The following USP43 variants were observed in gnomAD, a reference collection of about 807,000 sequenced individuals.
USP43 encodes ubiquitin carboxyl-terminal hydrolase 43.
A neutral mutation model predicts 90.7 loss-of-function variants in USP43; 33 were observed. That is an observed-to-expected ratio of 0.36 (90% confidence interval 0.28 to 0.49). USP43 has a LOEUF of 0.49. Ranked by LOEUF, USP43 falls within the 20% of genes least tolerant of loss-of-function variation. USP43 has a pLI of 0.98. For synonymous variants in USP43, 598 were observed against 615.8 expected, an observed-to-expected ratio of 0.97 and a Z score of 0.43; for missense variants, 1,274 against 1,476.4, an observed-to-expected ratio of 0.86 and a Z score of 2.25.
At chr17:9,695,975 A>G (rs928203174) in intron 9 of USP43, among the ~76,000 whole-genome samples, 4 of 152,092 alleles carry the variant, frequency 2.6e-5, no homozygotes, top group African/African-American at 9.7e-5. Flanking sequence ...AGGCTGAATA[A>G]TATTCCATTG....
intron 7 of USP43, among the ~76,000 whole-genome samples, chr17:9,683,418 CA>C (rs1914418836): frequency 6.6e-6 from 1 of 150,968 alleles, no homozygotes; most frequent in South Asian, 2.1e-4. Context: ...GTTTAAAAGA[CA>C]GAATTACATT....
chr17:9,710,100 G>C lies in USP43; in HGVS notation c.2156G>C (p.Ser719Thr). Residue 719 changes from serine to threonine, a missense_variant, in exon 13 of 15, where the codon AGC (serine) becomes ACC (threonine). By Grantham distance (58) the Ser-to-Thr change is moderately conservative (BLOSUM62 1). Transcript: ENST00000285199. ...AACAGCATCCCTCCCTGGTCAGCCAGCAGCTCCATGAGAGGTAGGTGCTGC... is the reference window on the plus strand; with the variant it reads ...AACAGCATCCCTCCCTGGTCAGCCACCAGCTCCATGAGAGGTAGGTGCTGC... ...KRNSIPPWSA[S>T]SSMRGSTSSS... is the part of the protein sequence containing the mutation. The C allele has an allele frequency of 1.3e-6, 2 of 1,516,672 alleles. No homozygotes were observed. The highest frequency in any genetic ancestry group is 8.8e-7 in the Non-Finnish European group (1 of 1,132,050). The allele number at this position is 1,516,672 out of a possible 1,614,324, so 94.0% of individuals were successfully genotyped here.
At chr17:9,689,802 A>G (rs1451147269) in intron 8 of USP43, among the ~76,000 whole-genome samples, 1 of 152,150 alleles carries the variant, frequency 6.6e-6, no homozygotes, top group Non-Finnish European at 1.5e-5. Context: ...CTCTGTGCAG[A>G]TGTTGGTGCC....
At chr17:9,677,258 A>T (rs1054375725) in intron 5 of USP43, among the ~76,000 whole-genome samples, 13 of 152,168 alleles carry the variant, frequency 8.5e-5, no homozygotes, top group Non-Finnish European at 1.6e-4. Flanking sequence ...CATCTTACTA[A>T]TGGGGAATAA....
chr17:9,705,355 A>G (rs116885007), intron 12 of USP43, among the ~76,000 whole-genome samples: 3,867 of 151,014 alleles, frequency 0.026, 60 homozygotes, highest in Non-Finnish European at 0.038. Flanking sequence ...ATTTCTAGAC[A>G]GCTTCTCCAT....
chr17:9,675,074 T>C, intron 4 of USP43, 91 bp downstream of exon 4: 1 of 1,086,208 alleles, frequency 9.2e-7, no homozygotes, highest in Non-Finnish European at 1.4e-6. Context: ...CCATTTTCTC[T>C]CCTTTGCTTC....
chr17:9,661,304 A>G (rs910461333), intron 2 of USP43, among the ~76,000 whole-genome samples: 1 of 152,122 alleles, frequency 6.6e-6, no homozygotes. Context: ...AACACTGACT[A>G]TGTGCAGGGA....
chr17:9,684,703 C>T (rs1210902155), intron 7 of USP43, among the ~76,000 whole-genome samples: 9 of 133,014 alleles, frequency 6.8e-5, no homozygotes, highest in Admixed American at 5.4e-4. Flanking sequence ...GCGGAGGTTG[C>T]GGTGAGCCGA....
intron 9 of USP43, among the ~76,000 whole-genome samples, chr17:9,695,419 C>A (rs769137527): frequency 6.6e-6 from 1 of 152,038 alleles, no homozygotes; most frequent in Non-Finnish European, 1.5e-5. Context: ...CTGCAACCTC[C>A]GCCTCCTGGG....
intron 2 of USP43, 113 bp from the exon 3 acceptor site, chr17:9,666,535 G>T: frequency 1.2e-6 from 1 of 803,986 alleles, no homozygotes; most frequent in Non-Finnish European, 2.0e-6. Context: ...ACTCTACAGA[G>T]GCCCAGAAAG....
At chr17:9,653,764 T>C (rs1462170199) in intron 1 of USP43, among the ~76,000 whole-genome samples, 1 of 152,124 alleles carries the variant, frequency 6.6e-6, no homozygotes, top group Non-Finnish European at 1.5e-5. Context: ...AGGAACGATT[T>C]GGAGTCAGAG....
intron 2 of USP43, among the ~76,000 whole-genome samples, chr17:9,665,357 C>T (rs1912965602): frequency 1.3e-5 from 2 of 152,264 alleles, no homozygotes; most frequent in South Asian, 2.1e-4. Context: ...AATTGACTCA[C>T]AGTTCCACAT....
Position 9,725,587 on chromosome 17 carries a change from A to C in USP43, c.2336-2367A>C, listed in dbSNP as rs551622017. Among the ~76,000 whole-genome samples, 5 of 152,344 alleles carry C rather than the reference A, an allele frequency of 3.3e-5. No homozygotes were observed. In the South Asian group the frequency reaches 1.0e-3, roughly 32 times the overall value. On this transcript the variant is annotated intron_variant, in intron 14 of 14. Coordinates refer to ENST00000285199, the MANE Select transcript of USP43 (RefSeq NM_153210.5). ...GTCTCAGATCCTGTTATCCTAGCCC[A>C]ATAAATGGAAGGAGAATAAAGATAA...
chr17:9,717,310 C>T (rs76497777), intron 14 of USP43, among the ~76,000 whole-genome samples: 4 of 151,658 alleles, frequency 2.6e-5, no homozygotes, highest in East Asian at 3.9e-4. Flanking sequence ...GGTGTCTGCA[C>T]GTCTGCATTT....
At chr17:9,659,614 G>A (rs1912511295) in intron 2 of USP43, among the ~76,000 whole-genome samples, 1 of 152,118 alleles carries the variant, frequency 6.6e-6, no homozygotes, top group Non-Finnish European at 1.5e-5. Context: ...CTCCCTGGCT[G>A]TACCAGGCAG....
chr17:9,649,511 C>T (rs373645412), intron 1 of USP43, among the ~76,000 whole-genome samples: 2 of 151,816 alleles, frequency 1.3e-5, no homozygotes, highest in South Asian at 2.1e-4. Flanking sequence ...GGAAGGTTTT[C>T]GGCCCTTGTC....
At chr17:9,693,069 C>A in intron 8 of USP43, 58 bp from the exon 9 acceptor site, 1 of 1,321,814 alleles carries the variant, frequency 7.6e-7, no homozygotes, top group Non-Finnish European at 1.1e-6. Flanking sequence ...CCTTTAGAGT[C>A]TAATTTAAAT....
In USP43 at chr17:9,645,670, C is replaced by G. The variant is rs1160942498; in HGVS notation, c.38C>G (p.Pro13Arg). Reference protein sequence around the residue: ...LGPGDAAGGGPLAPRPRRRRS... With the variant: ...LGPGDAAGGGRLAPRPRRRRS... ...CCCGGGGACGCGGCAGGAGGGGGAC[C>G]GCTCGCGCCCCGGCCCCGCCGCCGC... is the stretch of plus-strand genomic sequence containing the variant. Residue 13 changes from proline to arginine, a missense_variant, in exon 1 of 15, where the codon CCG becomes CGG. This residue lies in a region of USP43 where 112 missense variants were observed against 106.6 expected (regional missense o/e 1.05). Transcript: ENST00000285199. This position sits in a 1 kb window ranked among gnomAD's most constrained non-coding sequence, Gnocchi z 6.8. 2 of 1,272,766 alleles carry G rather than the reference C, an allele frequency of 1.6e-6. No homozygotes were observed. Among genetic ancestry groups the G allele is most frequent in the African/African-American group, 1.6e-5 (1 of 63,866 alleles). 78.8% of individuals were successfully genotyped at this position (1,272,766 alleles called of 1,614,324 possible). A position where few individuals can be genotyped will look rare whatever the true frequency, so the allele number is the denominator to read the frequency against.
chr17:9,669,584 G>A (rs1356074624), intron 3 of USP43: 2 of 152,186 alleles, frequency 1.3e-5, no homozygotes, highest in African/African-American at 4.8e-5. Context: ...CATTCTACCT[G>A]GGGGAATGCT....
Sources: gnomAD v4.1 joint callset for allele counts (sites outside exome capture counted in the v4.1 genomes callset) on GRCh38, gnomAD v4.1.1 for gene constraint, gnomAD v4.1.1 regional missense constraint, Gnocchi (gnomAD v3.1) non-coding constraint, MANE v1.5 for transcripts, NCBI Gene and HGNC (gene_info 2026-07-23, HGNC 2026-07-21) for gene names.